The following AMOTL1 variants were observed in gnomAD, a reference collection of about 807,000 sequenced individuals.
AMOTL1 encodes angiomotin like 1.
AMOTL1 carries 45 observed loss-of-function variants against 102.9 expected under a neutral mutation model. The ratio of observed to expected loss-of-function variants is 0.44; its 90% confidence interval spans 0.34 to 0.56. The LOEUF is 0.56. Ranked by LOEUF, AMOTL1 falls within the 20% of genes least tolerant of loss-of-function variation. AMOTL1 has a pLI of 0.01. For synonymous variants in AMOTL1, 481 were observed against 484.7 expected, an observed-to-expected ratio of 0.99 and a Z score of 0.10; for missense variants, 1,114 against 1,225.6, an observed-to-expected ratio of 0.91 and a Z score of 1.36.
Position 94,743,651 on chromosome 11 carries a change from C to CTTTTTTT in AMOTL1, c.136+2682_136+2688dup, listed in dbSNP as rs760828820. ...AATTATTTCTCTACTCACAATACTT[C>CTTTTTTT]TTTTTTTTTTTTTTTTTTTTTTTTT... On this transcript the variant is annotated intron_variant, in intron 3 of 4. Transcript: ENST00000299004. 2.8e-3 allele frequency among the ~76,000 whole-genome samples: 275 copies of CTTTTTTT among 98,184 alleles called. 10 individuals carry two copies. Among genetic ancestry groups the CTTTTTTT allele is most frequent in the African/African-American group, 0.011 (227 of 21,114 alleles). 64.4% of individuals were successfully genotyped at this position (98,184 alleles called of 152,430 possible). A position where few individuals can be genotyped will look rare whatever the true frequency, so the allele number is the denominator to read the frequency against.
chr11:94,773,159 G>A (rs547033233), intron 1 of AMOTL1, among the ~76,000 whole-genome samples: 3 of 152,302 alleles, frequency 2.0e-5, no homozygotes, highest in African/African-American at 4.8e-5. Flanking sequence ...TCCCAAGTAT[G>A]TAGCATGTCT....
intron 1 of AMOTL1, among the ~76,000 whole-genome samples, chr11:94,768,786 C>A (rs999002520): frequency 6.6e-6 from 1 of 152,114 alleles, no homozygotes; most frequent in African/African-American, 2.4e-5. Context: ...CCGCGACCCA[C>A]GTTGACTGAA....
rs2303960 is a variant in AMOTL1, at chr11:94,800,207, C to T, written c.1017C>T (p.Pro339=). The change falls in exon 3 of 13, where the codon CCC becomes CCT. Residue 339 remains proline, a synonymous_variant. Transcript: ENST00000433060. ...EHGLFYGDQH[P]GMLHEMVKPY... ...GACTTTTTTATGGTGACCAGCACCC[C>T]GGGATGCTCCACGAGATGGTCAAGC... 351,033 of 1,613,714 alleles carry T rather than the reference C, an allele frequency of 0.22. 44,337 individuals carry two copies. The highest frequency in any genetic ancestry group is 0.52 in the Admixed American group (31,299 of 59,986).
chr11:94,781,842 G>GAA (rs780080729), intron 1 of AMOTL1, among the ~76,000 whole-genome samples: 2 of 109,428 alleles, frequency 1.8e-5, no homozygotes, highest in Non-Finnish European at 2.0e-5. Context: ...TCAAAAAGAA[G>GAA]AAAAAAAAAA....
At chr11:94,867,671 ATTGC>A (rs1952910368) in intron 11 of AMOTL1, among the ~76,000 whole-genome samples, 1 of 152,164 alleles carries the variant, frequency 6.6e-6, no homozygotes, top group African/African-American at 2.4e-5. Flanking sequence ...TGTTGTCACC[ATTGC>A]TTGCCTGATA....
chr11:94,796,044 G>A (rs1181443834), intron 2 of AMOTL1, among the ~76,000 whole-genome samples: 1 of 151,928 alleles, frequency 6.6e-6, no homozygotes, highest in Admixed American at 6.6e-5. Context: ...GGTAGTTAAT[G>A]GTTTATTACA....
At chr11:94,832,768 CTTCTGG>C (rs1490269088) in intron 6 of AMOTL1, among the ~76,000 whole-genome samples, 8 of 152,200 alleles carry the variant, frequency 5.3e-5, no homozygotes, top group Non-Finnish European at 1.2e-4. Context: ...TGACACATTC[CTTCTGG>C]ATGACCGCAT....
Position 94,799,894 on chromosome 11 carries a change from C to A in AMOTL1, c.704C>A (p.Thr235Asn). ...SQKSRTEGRPTVNRANSGQAH... is the reference protein window; with the variant it reads ...SQKSRTEGRPNVNRANSGQAH... The stretch of plus-strand genomic sequence containing the variant: ...AAGTCCCGAACTGAGGGGAGGCCCA[C>A]TGTGAACCGTGCCAACAGTGGACAG... Residue 235 changes from threonine to asparagine, a missense_variant, in exon 3 of 13, where the codon ACT becomes AAT. Coordinates refer to ENST00000433060, the MANE Select transcript of AMOTL1 (RefSeq NM_130847.3). This position sits in a 1 kb window ranked among gnomAD's most constrained non-coding sequence, Gnocchi z 4.5. 1.2e-6 allele frequency: 2 copies of A among 1,602,206 alleles called. No individual in the cohort carries two copies. The highest frequency in any genetic ancestry group is 1.1e-5 in the South Asian group (1 of 88,570).
At chr11:94,742,443 A>G (rs1054439713) in intron 3 of AMOTL1, among the ~76,000 whole-genome samples, 3 of 152,366 alleles carry the variant, frequency 2.0e-5, no homozygotes, top group African/African-American at 2.4e-5. Flanking sequence ...ATCAGACTGT[A>G]TAACTACTAA....
At chr11:94,866,273 G>A in intron 11 of AMOTL1, 105 bp downstream of exon 11, 3 of 1,140,124 alleles carry the variant, frequency 2.6e-6, no homozygotes, top group Non-Finnish European at 3.8e-6. Flanking sequence ...CCTGGTCTCA[G>A]TTTACTCATC....
intron 8 of AMOTL1, 29 bp from the exon 9 acceptor site, chr11:94,859,496 G>T (rs1460414180): frequency 1.3e-6 from 2 of 1,588,088 alleles, no homozygotes; most frequent in Admixed American, 1.7e-5. Context: ...GTGGTTTTGA[G>T]CATCAAGATT....
chr11:94,833,221 T>C (rs1281375394), intron 6 of AMOTL1, among the ~76,000 whole-genome samples: 1 of 152,230 alleles, frequency 6.6e-6, no homozygotes, highest in Non-Finnish European at 1.5e-5. Flanking sequence ...GGCAGAGCAT[T>C]TGAAGCAGGT....
At chr11:94,831,328 C>T in intron 5 of AMOTL1, 124 bp from the exon 6 acceptor site, 1 of 665,818 alleles carries the variant, frequency 1.5e-6, no homozygotes, top group Non-Finnish European at 2.5e-6. Context: ...CCAAGTTGTT[C>T]AGTTTTGGGC....
At chr11:94,725,980 A>G (rs556788421) in intron 1 of AMOTL1, among the ~76,000 whole-genome samples, 1 of 152,294 alleles carries the variant, frequency 6.6e-6, no homozygotes, top group Admixed American at 6.5e-5. Context: ...GACTCACTGA[A>G]GTTGTCATAG....
At chr11:94,764,830 C>T (rs190906670), upstream of AMOTL1, among the ~76,000 whole-genome samples, 7 of 152,290 alleles carry the variant, frequency 4.6e-5, no homozygotes, top group Non-Finnish European at 8.8e-5. Context: ...TACTGAATTC[C>T]TAGATGTGCC....
At chr11:94,763,442 A>C (rs1950818578), upstream of AMOTL1, among the ~76,000 whole-genome samples, 1 of 152,188 alleles carries the variant, frequency 6.6e-6, no homozygotes, top group Non-Finnish European at 1.5e-5. Context: ...TTTTATATTT[A>C]GAAAAAGGCA....
chr11:94,839,660 G>A (rs1036147518), intron 6 of AMOTL1, among the ~76,000 whole-genome samples: 2 of 152,156 alleles, frequency 1.3e-5, no homozygotes, highest in Non-Finnish European at 2.9e-5. Flanking sequence ...AACTGCAACC[G>A]GAGTGATCAA....
chr11:94,741,049 T>G (rs879110474), intron 3 of AMOTL1: 10 of 1,249,672 alleles, frequency 8.0e-6, no homozygotes, highest in Non-Finnish European at 9.4e-6. Flanking sequence ...AACTGCGAGT[T>G]TGGGGGGCGT....
At chr11:94,812,323 G>A (rs545017057) in intron 3 of AMOTL1, among the ~76,000 whole-genome samples, 1 of 152,242 alleles carries the variant, frequency 6.6e-6, no homozygotes, top group South Asian at 2.1e-4. Context: ...GGTCCAGAAG[G>A]GCAGGACAAC....
Sources: allele counts gnomAD v4.1 joint callset (sites outside exome capture counted in the v4.1 genomes callset), GRCh38; gene constraint gnomAD v4.1.1; non-coding constraint Gnocchi (gnomAD v3.1); transcripts MANE v1.5; gene names NCBI Gene and HGNC (gene_info 2026-07-23, HGNC 2026-07-21).